Variants in DSCC1 observed in about 807,000 individuals in gnomAD.
DSCC1 encodes the protein sister chromatid cohesion protein DCC1.
In DSCC1, 32 loss-of-function variants were observed where a neutral mutation model predicts 48.2. The observed-to-expected ratio is 0.66, with a 90% CI of 0.50 to 0.89. DSCC1 has a LOEUF of 0.89. DSCC1 is among the 40% of genes least tolerant of loss of function. The pLI, the probability that DSCC1 is intolerant of heterozygous loss-of-function variation, is 0.00. For synonymous variants in DSCC1, 150 were observed against 171.5 expected, an observed-to-expected ratio of 0.87 and a Z score of 0.98; for missense variants, 421 against 471.7, an observed-to-expected ratio of 0.89 and a Z score of 1.00.
At position 119,855,719 on chromosome 8, in the gene DSCC1, A is replaced by C. The variant is rs1827007982; in HGVS notation, c.77T>G (p.Val26Gly). ...CCCAGGGCCGAAGCCCAGGCAGTGCACCGCCGGCAGCAGCTCGGCCGCATT... is the reference window on the plus strand; with the variant it reads ...CCCAGGGCCGAAGCCCAGGCAGTGCCCCGCCGGCAGCAGCTCGGCCGCATT... ...KLNAAELLPA[V>G]HCLGFGPGAS... The change falls in exon 1 of 9, where the codon GTG (valine) becomes GGG (glycine). Residue 26 changes from valine to glycine, a missense_variant. Coordinates refer to ENST00000313655, the MANE Select transcript of DSCC1 (RefSeq NM_024094.3). The C allele has an allele frequency of 1.9e-6, 3 of 1,569,218 alleles. No homozygotes were observed. Among genetic ancestry groups the C allele is most frequent in the Non-Finnish European group, 1.7e-6 (2 of 1,157,436 alleles).
chr8:119,853,164 G>A lies in DSCC1; in HGVS notation c.234C>T (p.Asp78=). The change falls in exon 2 of 9, where the codon GAC becomes GAT. Residue 78 remains aspartate (D), a synonymous_variant. Transcript: ENST00000313655. ...KDEQAVLCSK[D]KTYDLKIADT... ...CTGCTATCTTCAAGTCGTATGTTTT[G>A]TCTTTACTGCACAGCACAGCTTGCT... 1.9e-6 allele frequency: 3 copies of A among 1,614,062 alleles called. No individual in the cohort carries two copies. Among genetic ancestry groups the A allele is most frequent in the Non-Finnish European group, 2.5e-6 (3 of 1,179,984 alleles).
At chr8:119,838,174 T>G in intron 8 of DSCC1, 85 bp downstream of exon 8, 3 of 1,406,738 alleles carry the variant, frequency 2.1e-6, no homozygotes, top group East Asian at 2.5e-5. Context: ...TCAAGAAAAT[T>G]GTGTTCCAAT....
chr8:119,843,848 C>T (rs1826811565), intron 4 of DSCC1, 101 bp from the exon 5 acceptor site: 11 of 1,199,040 alleles, frequency 9.2e-6, no homozygotes, highest in African/African-American at 1.5e-5. Context: ...GTGATCTCAG[C>T]TCATCGCAAC....
rs374668937 is a variant in DSCC1 at position 119,853,191 on chromosome 8, G to A, written c.207C>T (p.Asp69=). The A allele has an allele frequency of 1.4e-4, 224 of 1,610,766 alleles. No individual in the cohort carries two copies. The highest frequency in any genetic ancestry group is 4.9e-4 in the East Asian group (22 of 44,796). Residue 69 remains aspartate (D), a synonymous_variant, in exon 2 of 9, where the codon GAC becomes GAT. Transcript: ENST00000313655. ...CTTTACTGCACAGCACAGCTTGCTC[G>A]TCTTTATCACCACGAATCACAAGAC... The part of the protein sequence containing the change: ...GHSLVIRGDK[D]EQAVLCSKDK...
chr8:119,845,092 TTTA>T (rs1263572121), intron 4 of DSCC1, among the ~76,000 whole-genome samples: 1 of 148,518 alleles, frequency 6.7e-6, no homozygotes, highest in Non-Finnish European at 1.5e-5. Flanking sequence ...TATTTATTTA[TTTA>T]TTTATTTGTG....
intron 6 of DSCC1, 50 bp downstream of exon 6, chr8:119,842,726 T>TGCCA: frequency 6.5e-7 from 1 of 1,527,646 alleles, no homozygotes; most frequent in Non-Finnish European, 9.1e-7. Flanking sequence ...TAGAAAGGTA[T>TGCCA]GCCAGTTTTA....
In DSCC1 at chr8:119,847,012, A is replaced by T. The variant is rs752439666; in HGVS notation, c.555T>A (p.Val185=). ...TACCTCCAATCTTACAGGCATTTAGAACTTGTAATTGGGTCATTATTTCTT... is the reference window on the plus strand; with the variant it reads ...TACCTCCAATCTTACAGGCATTTAGTACTTGTAATTGGGTCATTATTTCTT... ...SEEEIMTQLQ[V]LNACKIGGYW... is the part of the protein sequence containing the mutation. The change falls in exon 4 of 9, where the codon GTT becomes GTA. Residue 185 remains valine (V), a synonymous_variant. Transcript: ENST00000313655. 3 of 1,613,874 alleles carry T rather than the reference A, an allele frequency of 1.9e-6. No homozygotes were observed. In the East Asian group the frequency reaches 6.7e-5, roughly 36 times the overall value.
At chr8:119,842,181 C>A (rs1246481951) in intron 6 of DSCC1, among the ~76,000 whole-genome samples, 8 of 151,898 alleles carry the variant, frequency 5.3e-5, no homozygotes, top group African/African-American at 1.9e-4. Context: ...TCAAGTGATT[C>A]TCCTGTCCCA....
In DSCC1 at chr8:119,842,877, A is replaced by C. The variant is rs764591102; in HGVS notation, c.717-49T>G. The C allele has an allele frequency of 3.3e-6, 5 of 1,501,272 alleles. No homozygotes were observed. In the East Asian group the frequency reaches 1.2e-4, roughly 35 times the overall value. The allele number at this position is 1,501,272 out of a possible 1,614,324, so 93.0% of individuals were successfully genotyped here. A position where few individuals can be genotyped will look rare whatever the true frequency, so the allele number is the denominator to read the frequency against. On this transcript the variant is annotated intron_variant, in intron 5 of 8. Transcript: ENST00000313655. ...TGAAAAGTTATAAGCATTTTTATGCACTATATTTTAACCCCATTGCCAACT... is the reference window on the plus strand; with the variant it reads ...TGAAAAGTTATAAGCATTTTTATGCCCTATATTTTAACCCCATTGCCAACT...
intron 2 of DSCC1, among the ~76,000 whole-genome samples, chr8:119,851,772 C>A (rs1167005225): frequency 6.6e-6 from 1 of 152,046 alleles, no homozygotes; most frequent in Non-Finnish European, 1.5e-5. Context: ...TCTCATCTAA[C>A]CCCTTTAAGC....
chr8:119,842,191 A>T (rs1433950446), intron 6 of DSCC1, among the ~76,000 whole-genome samples: 1 of 151,756 alleles, frequency 6.6e-6, no homozygotes, highest in Non-Finnish European at 1.5e-5. Context: ...CTCCTGTCCC[A>T]GCCTCCCAGG....
Position 119,834,535 on chromosome 8 carries a change from A to G in DSCC1, c.*358T>C, listed in dbSNP as rs537266500. Reference sequence around the variant, plus strand: ...AGTTCTCTTCTATGAAACTATTACTATTTAGTTCTCTGGAAAACTTAAGTG... The same window carrying G: ...AGTTCTCTTCTATGAAACTATTACTGTTTAGTTCTCTGGAAAACTTAAGTG... On this transcript the variant is annotated 3_prime_UTR_variant, in exon 9 of 9. Coordinates refer to ENST00000313655, the MANE Select transcript of DSCC1 (RefSeq NM_024094.3). 45 of 201,772 alleles carry G rather than the reference A, an allele frequency of 2.2e-4. No individual in the cohort carries two copies. The highest frequency in any genetic ancestry group is 8.3e-4 in the African/African-American group (35 of 41,920). The allele number at this position is 201,772 out of a possible 1,614,324, so 12.5% of individuals were successfully genotyped here.
At chr8:119,836,614 AGTTCT>A (rs1826688663) in intron 8 of DSCC1, among the ~76,000 whole-genome samples, 1 of 152,120 alleles carries the variant, frequency 6.6e-6, no homozygotes, top group South Asian at 2.1e-4. Context: ...GAGAAGCAAC[AGTTCT>A]GTTATGAACA....
intron 8 of DSCC1, among the ~76,000 whole-genome samples, 195 bp from the exon 9 acceptor site, chr8:119,835,196 C>T (rs1716882719): frequency 6.6e-6 from 1 of 152,100 alleles, no homozygotes; most frequent in Non-Finnish European, 1.5e-5. Flanking sequence ...TGTATTGTCT[C>T]ATTTAACCCA....
At position 119,841,896 on chromosome 8, in the gene DSCC1, T is replaced by G; in HGVS notation, c.822A>C (p.Arg274=). ...ATTTCACCGCATTCTGAAGTAGCATTCGTGCTGCTGCTCTACATATTTTAT... is the reference window on the plus strand; with the variant it reads ...ATTTCACCGCATTCTGAAGTAGCATGCGTGCTGCTGCTCTACATATTTTAT... ...DADKICRAAA[R]MLLQNAVKFN... is the part of the protein sequence containing the mutation. Residue 274 remains arginine, a synonymous_variant, in exon 7 of 9, where the codon CGA becomes CGC. Coordinates refer to ENST00000313655, the MANE Select transcript of DSCC1 (RefSeq NM_024094.3). The G allele has an allele frequency of 1.9e-6, 3 of 1,614,186 alleles. No homozygotes were observed. Among genetic ancestry groups the G allele is most frequent in the Non-Finnish European group, 8.5e-7 (1 of 1,180,038 alleles).
At chr8:119,844,565 C>G (rs1466482002) in intron 4 of DSCC1, among the ~76,000 whole-genome samples, 1 of 150,508 alleles carries the variant, frequency 6.6e-6, no homozygotes, top group African/African-American at 2.4e-5. Flanking sequence ...ATATGACTAG[C>G]TTTTCTCAAG....
chr8:119,842,419 T>C (rs1045308900), intron 6 of DSCC1, among the ~76,000 whole-genome samples: 53 of 150,644 alleles, frequency 3.5e-4, no homozygotes, highest in African/African-American at 1.2e-3. Context: ...TCTCACTCTG[T>C]TGCCTAGGCC....
At chr8:119,850,314 A>C (rs962888395) in intron 3 of DSCC1, 68 bp downstream of exon 3, 68 of 1,440,364 alleles carry the variant, frequency 4.7e-5, no homozygotes, top group Middle Eastern at 2.3e-4. Flanking sequence ...AAAAGTAAGA[A>C]TGTGACTATT....
At chr8:119,845,709 G>C (rs903172368) in intron 4 of DSCC1, among the ~76,000 whole-genome samples, 10 of 151,742 alleles carry the variant, frequency 6.6e-5, no homozygotes, top group South Asian at 6.2e-4. Flanking sequence ...AGCACTTTGG[G>C]AGGCCAAGGC....
Sources: gnomAD v4.1 joint callset for allele counts (sites outside exome capture counted in the v4.1 genomes callset) on GRCh38, gnomAD v4.1.1 for gene constraint, MANE v1.5 for transcripts, NCBI Gene and HGNC (gene_info 2026-07-23, HGNC 2026-07-21) for gene names.